SMURF2: variants seen among roughly 807,000 people sequenced by gnomAD.
SMURF2 encodes the protein SMAD specific E3 ubiquitin protein ligase 2, also known as E3 ubiquitin-protein ligase SMURF2.
In SMURF2, 48 loss-of-function variants were observed where a neutral mutation model predicts 109.6. The ratio of observed to expected loss-of-function variants is 0.44; its 90% CI spans 0.35 to 0.56. The LOEUF (loss-of-function observed/expected upper bound fraction) is 0.56. SMURF2 is among the 20% of genes least tolerant of loss of function. The pLI is 0.01. For synonymous variants in SMURF2, 288 were observed against 317.1 expected, an observed-to-expected ratio of 0.91 and a Z score of 0.97; for missense variants, 575 against 909.0, an observed-to-expected ratio of 0.63 and a Z score of 4.72.
At chr17:64,631,269 A>G (rs1206092369) in intron 1 of SMURF2, among the ~76,000 whole-genome samples, 1 of 3,540 alleles carries the variant, frequency 2.8e-4, no homozygotes, top group African/African-American at 1.0e-3. Flanking sequence ...TGGGGGGGAG[A>G]GAGGGGGGGG....
intron 2 of SMURF2, among the ~76,000 whole-genome samples, chr17:64,602,501 C>T (rs1173996822): frequency 6.6e-6 from 1 of 152,064 alleles, no homozygotes; most frequent in Non-Finnish European, 1.5e-5. Flanking sequence ...TCAACTTAAC[C>T]TGATTATATT....
chr17:64,631,807 T>C (rs1970351697), intron 1 of SMURF2, among the ~76,000 whole-genome samples: 1 of 152,222 alleles, frequency 6.6e-6, no homozygotes, highest in Admixed American at 6.5e-5. Context: ...TTCTCAGACA[T>C]GGTGCTTATG....
chr17:64,650,382 C>T (rs1406819840), intron 1 of SMURF2, among the ~76,000 whole-genome samples: 2 of 150,918 alleles, frequency 1.3e-5, no homozygotes, highest in African/African-American at 2.4e-5. Flanking sequence ...CTGGTTTTAA[C>T]GCTGTCATTT....
At chr17:64,625,593 T>C (rs1228784650) in intron 1 of SMURF2, among the ~76,000 whole-genome samples, 1 of 152,192 alleles carries the variant, frequency 6.6e-6, no homozygotes, top group African/African-American at 2.4e-5. Context: ...TATTGGTTGG[T>C]GTATGTCTAC....
Position 64,578,593 on chromosome 17 carries a change from C to T in SMURF2, c.773-17G>A. ...TCCTCTGTTCTGTAAAATTAATAAA[C>T]ACTGATAACAAAAACATTCAGAGTG... On this transcript the variant is annotated splice_polypyrimidine_tract_variant and intron_variant, in intron 8 of 18. Transcript: ENST00000262435. 6.4e-7 allele frequency: 1 copy of T among 1,555,480 alleles called. No individual in the cohort carries two copies.
At chr17:64,598,333 C>T (rs1969846017) in intron 3 of SMURF2, 49 bp downstream of exon 3, 4 of 1,397,494 alleles carry the variant, frequency 2.9e-6, no homozygotes, top group Middle Eastern at 2.5e-4. Context: ...AAGACTATAT[C>T]AAATAATTTA....
chr17:64,643,305 G>A (rs1568207869), intron 1 of SMURF2, among the ~76,000 whole-genome samples: 2 of 152,154 alleles, frequency 1.3e-5, no homozygotes, highest in Admixed American at 6.5e-5. Context: ...TTACAGGCAT[G>A]AGCCACTGCA....
In SMURF2 at chr17:64,581,221, T is replaced by C. The variant is rs1035651653; in HGVS notation, c.570-230A>G. On this transcript the variant is annotated intron_variant, in intron 7 of 18. Transcript: ENST00000262435. The surrounding 1 kb of genome is among the most constrained non-coding windows in gnomAD (Gnocchi z 4.3). Reference sequence around the variant, plus strand: ...CATCAACTATGTATTTAAATGACTTTAATGACATTTGATATAAAATCCATA... The same window carrying C: ...CATCAACTATGTATTTAAATGACTTCAATGACATTTGATATAAAATCCATA... 6.6e-6 allele frequency among the ~76,000 whole-genome samples: 1 copy of C among 152,232 alleles called. No individual in the cohort carries two copies. Among genetic ancestry groups the C allele is most frequent in the African/African-American group, 2.4e-5 (1 of 41,460 alleles).
intron 1 of SMURF2, among the ~76,000 whole-genome samples, chr17:64,651,283 T>C (rs1194736600): frequency 1.4e-5 from 2 of 147,488 alleles, no homozygotes; most frequent in African/African-American, 5.0e-5. Flanking sequence ...AGAAAAAATA[T>C]ACACATAAAG....
rs917026743 is a variant in SMURF2 at position 64,653,471 on chromosome 17, AAT to A, written c.52+8356_52+8357del. On this transcript the variant is annotated intron_variant, in intron 1 of 18. Transcript: ENST00000262435. The stretch of plus-strand genomic sequence containing the variant: ...AATGGTACAACTTTGAAAAAAAAAA[AAT>A]TTTTTTTTTTGAGACAGAGTCACCC... Among the ~76,000 whole-genome samples, 24 of 70,702 alleles carry A rather than the reference AAT, an allele frequency of 3.4e-4. No homozygotes were observed. In the East Asian group the frequency reaches 8.2e-3, roughly 24 times the overall value. 46.4% of individuals were successfully genotyped at this position (70,702 alleles called of 152,430 possible).
intron 1 of SMURF2, among the ~76,000 whole-genome samples, chr17:64,630,540 T>C (rs1970324002): frequency 6.6e-6 from 1 of 152,140 alleles, no homozygotes; most frequent in African/African-American, 2.4e-5. Flanking sequence ...GGGTAAGCAG[T>C]AAGGCAGAAC....
intron 10 of SMURF2, among the ~76,000 whole-genome samples, chr17:64,570,865 C>T (rs1969387983): frequency 6.6e-6 from 1 of 152,192 alleles, no homozygotes; most frequent in Admixed American, 6.5e-5. Context: ...ACTGCAGCCA[C>T]GACCTCCTGA....
intron 1 of SMURF2, among the ~76,000 whole-genome samples, chr17:64,626,100 T>C (rs901002051): frequency 6.6e-6 from 1 of 150,546 alleles, no homozygotes; most frequent in Non-Finnish European, 1.5e-5. Flanking sequence ...CTACTAAAAA[T>C]ACAAAAAAAT....
chr17:64,546,879 G>C (rs782503302), intron 17 of SMURF2, among the ~76,000 whole-genome samples: 11 of 152,184 alleles, frequency 7.2e-5, no homozygotes, highest in Non-Finnish European at 4.4e-5. Context: ...GGGCAGCACA[G>C]CTGAAAGCAC....
intron 9 of SMURF2, among the ~76,000 whole-genome samples, chr17:64,572,497 GT>G: frequency 6.6e-6 from 1 of 152,298 alleles, no homozygotes; most frequent in East Asian, 1.9e-4. Flanking sequence ...AATCTGTAAA[GT>G]TAGTCAATGA....
chr17:64,548,608 C>T (rs1336824700), intron 16 of SMURF2, among the ~76,000 whole-genome samples: 11 of 151,954 alleles, frequency 7.2e-5, no homozygotes, highest in Non-Finnish European at 1.5e-4. Flanking sequence ...GGCTGGTCTC[C>T]AACTCCTGGC....
intron 7 of SMURF2, among the ~76,000 whole-genome samples, chr17:64,582,675 T>C (rs1217048514): frequency 6.6e-6 from 1 of 152,214 alleles, no homozygotes; most frequent in Non-Finnish European, 1.5e-5. Flanking sequence ...CTCGGCTCAC[T>C]GCAACCTCCA....
At chr17:64,584,361 C>CTTTT (rs372682588) in intron 6 of SMURF2, among the ~76,000 whole-genome samples, 1 of 112,750 alleles carries the variant, frequency 8.9e-6, no homozygotes, top group Non-Finnish European at 1.8e-5. Context: ...CTTTTTTTTT[C>CTTTT]TTTTTTTTTT....
chr17:64,662,221 G>A lies in SMURF2; in HGVS notation c.-341C>T. ...TCGGCGAGGCCCAGTAGCCGACGGG[G>A]CTGGTCGGCTGAAGCGGGCGGTGCT... On this transcript the variant is annotated 5_prime_UTR_variant, in exon 1 of 19. Transcript: ENST00000262435. The A allele has an allele frequency of 2.0e-6, 2 of 983,332 alleles. No homozygotes were observed. The highest frequency in any genetic ancestry group is 2.4e-6 in the Non-Finnish European group (2 of 829,142). The allele number at this position is 983,332 out of a possible 1,614,324, so 60.9% of individuals were successfully genotyped here.
Sources: allele counts gnomAD v4.1 joint callset (sites outside exome capture counted in the v4.1 genomes callset), GRCh38; gene constraint gnomAD v4.1.1; non-coding constraint Gnocchi (gnomAD v3.1); transcripts MANE v1.5; gene names NCBI Gene and HGNC (gene_info 2026-07-23, HGNC 2026-07-21).